Variants in DENND4A observed in about 807,000 individuals in gnomAD.
DENND4A encodes DENN domain containing 4A.
DENND4A carries 70 observed loss-of-function variants against 199.3 expected under a neutral mutation model. The observed-to-expected ratio is 0.35, with a 90% CI of 0.29 to 0.43. DENND4A has a LOEUF of 0.43. Ranked by LOEUF, DENND4A falls within the 20% of genes least tolerant of loss-of-function variation. The pLI, the probability that DENND4A is intolerant of heterozygous loss-of-function variation, is 1.00. For missense variants in DENND4A, 1,723 were observed against 2,255.8 expected (o/e 0.76, Z 4.78); for synonymous variants, 686 against 766.9 (o/e 0.89, Z 1.74).
intron 7 of DENND4A, among the ~76,000 whole-genome samples, chr15:65,737,116 G>A (rs1482378668): frequency 1.6e-4 from 24 of 152,016 alleles, no homozygotes; most frequent in Admixed American, 1.6e-3. Flanking sequence ...AGGCTGGAGT[G>A]TAGTGGCATG....
chr15:65,717,902 T>G lies in DENND4A; in HGVS notation c.1683A>C (p.Glu561Asp). ...TGAAAAACAAAAATGCCTCTTGGATTTCCAAATCTATCATGTGCAACCTCT... is the reference window on the plus strand; with the variant it reads ...TGAAAAACAAAAATGCCTCTTGGATGTCCAAATCTATCATGTGCAACCTCT... Reference protein sequence around the residue: ...SGKRLHMIDLEIQEAFLFFMA... With the variant: ...SGKRLHMIDLDIQEAFLFFMA... The change falls in exon 13 of 33, where the codon GAA (glutamate) becomes GAC (aspartate). Residue 561 changes from glutamate (E) to aspartate (D), a missense_variant. By Grantham distance (45) the Glu-to-Asp change is conservative (BLOSUM62 2). This residue lies in a region of DENND4A where 725 missense variants were observed against 952.9 expected (regional missense o/e 0.76). Transcript: ENST00000443035. 6.2e-7 allele frequency: 1 copy of G among 1,608,630 alleles called. No individual in the cohort carries two copies. The highest frequency in any genetic ancestry group is 1.3e-5 in the African/African-American group (1 of 75,010).
chr15:65,663,329 G>A (rs2075932481), intron 32 of DENND4A, among the ~76,000 whole-genome samples: 1 of 150,900 alleles, frequency 6.6e-6, no homozygotes. Context: ...CCTGCCTCAG[G>A]CGCCTGAGTA....
rs2076941303 is a variant in DENND4A at position 65,690,689 on chromosome 15, T to A, written c.3905A>T (p.Lys1302Met). The change falls in exon 23 of 33, where the codon AAG (lysine) becomes ATG (methionine). Residue 1302 changes from lysine to methionine, a missense_variant. This residue lies in a region of DENND4A where 650 missense variants were observed against 738.1 expected (regional missense o/e 0.88). Transcript: ENST00000443035. ...RRSSLPPNSP[K>M]PVRLTKSKSY... ...TTTAGATTTGGTAAGTCTCACTGGC[T>A]TAGGAGAATTAGGAGGCAGACTAGA... 2.5e-6 allele frequency: 4 copies of A among 1,613,684 alleles called. No individual in the cohort carries two copies. The highest frequency in any genetic ancestry group is 3.4e-6 in the Non-Finnish European group (4 of 1,179,774).
intron 1 of DENND4A, among the ~76,000 whole-genome samples, chr15:65,781,137 A>G (rs1283315945): frequency 6.6e-6 from 1 of 152,236 alleles, no homozygotes; most frequent in East Asian, 1.9e-4. Context: ...GAAGGACTAC[A>G]TAAGCAATGG....
intron 1 of DENND4A, among the ~76,000 whole-genome samples, chr15:65,772,768 C>A (rs2077170828): frequency 7.0e-6 from 1 of 142,736 alleles, no homozygotes; most frequent in Non-Finnish European, 1.5e-5. Context: ...ATTTAGGGAC[C>A]AAGCACACAG....
At chr15:65,769,688 TTTC>T (rs145659131) in intron 1 of DENND4A, among the ~76,000 whole-genome samples, 1,942 of 152,310 alleles carry the variant, frequency 0.013, 51 homozygotes, top group African/African-American at 0.045. Flanking sequence ...TGGTATTGAT[TTTC>T]TTTTCTTTTT....
chr15:65,660,617 T>A lies in DENND4A; in HGVS notation c.*1234A>T. 1 of 265,138 alleles carries A rather than the reference T, an allele frequency of 3.8e-6. No homozygotes were observed. The highest frequency in any genetic ancestry group is 7.1e-6 in the Non-Finnish European group (1 of 141,104). The allele number at this position is 265,138 out of a possible 1,614,324, so 16.4% of individuals were successfully genotyped here. ...AGAAATAATATGACTAAAAATATAT[T>A]TTTAAAGCTATTTAATACTCATGAT... On this transcript the variant is annotated 3_prime_UTR_variant, in exon 33 of 33. Coordinates refer to ENST00000443035, the MANE Select transcript of DENND4A (RefSeq NM_001320835.1).
chr15:65,706,332 C>A, intron 14 of DENND4A, 108 bp from the exon 15 acceptor site: 8 of 1,101,134 alleles, frequency 7.3e-6, no homozygotes, highest in South Asian at 6.0e-5. Flanking sequence ...TACTAAACAG[C>A]TATTAAAAAA....
At chr15:65,717,709 G>C in intron 13 of DENND4A, 69 bp downstream of exon 13, 2 of 1,312,966 alleles carry the variant, frequency 1.5e-6, no homozygotes, top group Non-Finnish European at 2.1e-6. Context: ...TATTAATACA[G>C]ACAGCAAATG....
intron 30 of DENND4A, chr15:65,665,022 T>TAA: frequency 2.2e-6 from 1 of 454,704 alleles, no homozygotes; most frequent in Non-Finnish European, 3.8e-6. Flanking sequence ...AAAAAATAAG[T>TAA]AAAAAGAAGA....
At chr15:65,674,734 A>T (rs980603906) in intron 24 of DENND4A, among the ~76,000 whole-genome samples, 4 of 139,914 alleles carry the variant, frequency 2.9e-5, no homozygotes, top group Admixed American at 2.1e-4. Flanking sequence ...ACCCTATCTT[A>T]AAAAAAAAAA....
intron 15 of DENND4A, among the ~76,000 whole-genome samples, chr15:65,703,768 G>A (rs2074951662): frequency 6.6e-6 from 1 of 152,200 alleles, no homozygotes; most frequent in South Asian, 2.1e-4. Flanking sequence ...GGAATTCAAG[G>A]CTGTAGTGCA....
intron 14 of DENND4A, among the ~76,000 whole-genome samples, chr15:65,709,448 G>A (rs1360063858): frequency 6.6e-6 from 1 of 152,000 alleles, no homozygotes; most frequent in African/African-American, 2.4e-5. Context: ...GCTCATGCCT[G>A]TAATCCCAGC....
chr15:65,738,717 A>C lies in DENND4A; in HGVS notation c.790T>G (p.Ser264Ala). 6.2e-7 allele frequency: 1 copy of C among 1,608,510 alleles called. No individual in the cohort carries two copies. Among genetic ancestry groups the C allele is most frequent in the South Asian group, 1.1e-5 (1 of 89,470 alleles). Residue 264 changes from serine (S) to alanine (A), a missense_variant, in exon 6 of 33, where the codon TCA (serine) becomes GCA (alanine). Around this residue, in one of 6 missense-constraint regions of DENND4A, gnomAD observed 725 missense variants for 952.9 expected, o/e 0.76. Coordinates refer to ENST00000443035, the MANE Select transcript of DENND4A (RefSeq NM_001320835.1). ...VFSTFVLTGA[S>A]AEKVYGAAIQ... ...CAAACACATAATACCTTTTCAGCTG[A>C]GGCTCCAGTTAAAACAAAAGTAGAA...
rs1417860093 is a variant in DENND4A, at chr15:65,737,725, T to C, written c.1022A>G (p.His341Arg). The stretch of plus-strand genomic sequence containing the variant: ...AACTTACTTCTCAATTGGAAGGACA[T>C]GAGGCCCAGAGATGGAATAACGATA... The part of the protein sequence containing the change: ...FLYRYSISGP[H>R]VLPIEKHISH... Residue 341 changes from histidine (H) to arginine (R), a missense_variant, in exon 7 of 33, where the codon CAT becomes CGT. His to Arg is a conservative substitution (Grantham distance 29, BLOSUM62 0). Coordinates refer to ENST00000443035, the MANE Select transcript of DENND4A (RefSeq NM_001320835.1). The C allele has an allele frequency of 1.9e-6, 3 of 1,576,340 alleles. No homozygotes were observed. Among genetic ancestry groups the C allele is most frequent in the Non-Finnish European group, 2.6e-6 (3 of 1,160,424 alleles).
chr15:65,785,748 A>G (rs1247742722), intron 1 of DENND4A, among the ~76,000 whole-genome samples: 1 of 152,130 alleles, frequency 6.6e-6, no homozygotes, highest in Non-Finnish European at 1.5e-5. Flanking sequence ...GAAAAGGAGC[A>G]TAACTAAACA....
intron 12 of DENND4A, among the ~76,000 whole-genome samples, chr15:65,718,524 C>T (rs1382185745): frequency 6.6e-6 from 1 of 151,890 alleles, no homozygotes; most frequent in Non-Finnish European, 1.5e-5. Flanking sequence ...TCATCTATAC[C>T]TCCCACACCA....
intron 1 of DENND4A, among the ~76,000 whole-genome samples, chr15:65,778,616 AGGCC>A (rs2077347481): frequency 6.6e-6 from 1 of 152,170 alleles, no homozygotes; most frequent in Non-Finnish European, 1.5e-5. Context: ...GTTATGTTGC[AGGCC>A]AGATGCAGTG....
chr15:65,761,817 G>GA (rs2076857039), intron 1 of DENND4A, among the ~76,000 whole-genome samples: 1 of 151,848 alleles, frequency 6.6e-6, no homozygotes, highest in African/African-American at 2.4e-5. Flanking sequence ...ATTCACAGGG[G>GA]AAAAATGTAT....
Sources: gnomAD v4.1 joint callset for allele counts (sites outside exome capture counted in the v4.1 genomes callset) on GRCh38, gnomAD v4.1.1 for gene constraint, gnomAD v4.1.1 regional missense constraint, MANE v1.5 for transcripts, NCBI Gene and HGNC (gene_info 2026-07-23, HGNC 2026-07-21) for gene names.